Variants in BAG5 observed in about 807,000 individuals in gnomAD.
The protein encoded by BAG5 is BAG cochaperone 5.
In BAG5, 25 loss-of-function variants were observed where a neutral mutation model predicts 31.8. The ratio of observed to expected loss-of-function variants is 0.79; its 90% confidence interval spans 0.57 to 1.10. BAG5 has a LOEUF of 1.10. Ranked by LOEUF, BAG5 falls within the 50% of genes least tolerant of loss-of-function variation. The pLI is 0.00. For missense variants in BAG5, 491 were observed against 527.9 expected, an observed-to-expected ratio of 0.93 and a Z score of 0.68; for synonymous variants, 208 against 205.0, an observed-to-expected ratio of 1.01 and a Z score of -0.13.
rs1307245065 is a variant in BAG5 at position 103,559,197 on chromosome 14, G to A, written c.*624C>T. The A allele has an allele frequency of 6.6e-6, 1 of 151,924 alleles. No homozygotes were observed. Among genetic ancestry groups the A allele is most frequent in the African/African-American group, 2.4e-5 (1 of 41,314 alleles). The allele number at this position is 151,924 out of a possible 1,614,324, so 9.4% of individuals were successfully genotyped here. A position where few individuals can be genotyped will look rare whatever the true frequency, so the allele number is the denominator to read the frequency against. ...TTAGTTTTCATAATTTTCTTATGTTGCACACAAAAACAAGATTCCTCTCTA... is the reference window on the plus strand; with the variant it reads ...TTAGTTTTCATAATTTTCTTATGTTACACACAAAAACAAGATTCCTCTCTA... On this transcript the variant is annotated 3_prime_UTR_variant, in exon 2 of 2. Transcript: ENST00000299204.
At position 103,556,826 on chromosome 14, in the gene BAG5, C is replaced by T. The variant is rs1290721816; in HGVS notation, c.*2995G>A. On this transcript the variant is annotated 3_prime_UTR_variant, in exon 2 of 2. Transcript: ENST00000299204. ...AAAAATAAAAAAACCCAAAACCTTGCATGCACAAGCTAAGCTCAGACCCTT... is the reference window on the plus strand; with the variant it reads ...AAAAATAAAAAAACCCAAAACCTTGTATGCACAAGCTAAGCTCAGACCCTT... 2 of 152,078 alleles carry T rather than the reference C, an allele frequency of 1.3e-5. No homozygotes were observed. The highest frequency in any genetic ancestry group is 4.8e-5 in the African/African-American group (2 of 41,410). The allele number at this position is 152,078 out of a possible 1,614,324, so 9.4% of individuals were successfully genotyped here. A position where few individuals can be genotyped will look rare whatever the true frequency, so the allele number is the denominator to read the frequency against.
Position 103,560,031 on chromosome 14 carries a change from C to G in BAG5, c.1134G>C (p.Glu378Asp). The G allele has an allele frequency of 6.2e-7, 1 of 1,614,174 alleles. No individual in the cohort carries two copies. The highest frequency in any genetic ancestry group is 8.5e-7 in the Non-Finnish European group (1 of 1,180,030). The change falls in exon 2 of 2, where the codon GAG becomes GAC. Residue 378 changes from glutamate (E) to aspartate (D), a missense_variant. Coordinates refer to ENST00000299204, the MANE Select transcript of BAG5 (RefSeq NM_001015048.3). ...AVWNVLGNLS[E>D]IQGEVLSFDG... Reference sequence around the variant, plus strand: ...CAAATGAAAGAACTTCTCCCTGGATCTCAGACAAGTTTCCAAGGACGTTCC... The same window carrying G: ...CAAATGAAAGAACTTCTCCCTGGATGTCAGACAAGTTTCCAAGGACGTTCC...
rs1200367662 is a variant in BAG5, at chr14:103,560,833, G to A, written c.332C>T (p.Pro111Leu). 4 of 1,613,940 alleles carry A rather than the reference G, an allele frequency of 2.5e-6. No individual in the cohort carries two copies. In the East Asian group the frequency reaches 8.9e-5, roughly 36 times the overall value. Residue 111 changes from proline (P) to leucine (L), a missense_variant, in exon 2 of 2, where the codon CCA (proline) becomes CTA (leucine). By Grantham distance (98) the Pro-to-Leu change is moderately conservative. Transcript: ENST00000299204. The stretch of plus-strand genomic sequence containing the variant: ...TACGCAGTTGCCTCCATTATAAAAT[G>A]GCACAATTTTCTCTCTCACGAGGGA... ...AQSLVREKIV[P>L]FYNGGNCVTD...
At position 103,559,037 on chromosome 14, in the gene BAG5, A is replaced by C. The variant is rs1054459892; in HGVS notation, c.*784T>G. The C allele has an allele frequency of 2.6e-5, 4 of 151,794 alleles. No individual in the cohort carries two copies. The highest frequency in any genetic ancestry group is 5.9e-5 in the Non-Finnish European group (4 of 67,994). 9.4% of individuals were successfully genotyped at this position (151,794 alleles called of 1,614,324 possible). On this transcript the variant is annotated 3_prime_UTR_variant, in exon 2 of 2. Transcript: ENST00000299204. ...TTAAAGGCCCATTAACTTAATTTAA[A>C]TGTTCCCATCCTTATGAATTTACTC...
intron 1 of BAG5, chr14:103,561,742 C>A: frequency 1.6e-6 from 1 of 608,680 alleles, no homozygotes; most frequent in Non-Finnish European, 2.9e-6. Context: ...ACAGAAGTCT[C>A]CCTGAAGAGA....
rs964823310 is a variant in BAG5, at chr14:103,556,807, A to T, written c.*3014T>A. 3.9e-5 allele frequency: 6 copies of T among 152,184 alleles called. No homozygotes were observed. Among genetic ancestry groups the T allele is most frequent in the Admixed American group, 3.3e-4 (5 of 15,276 alleles). 9.4% of individuals were successfully genotyped at this position (152,184 alleles called of 1,614,324 possible). On this transcript the variant is annotated 3_prime_UTR_variant, in exon 2 of 2. Transcript: ENST00000299204. ...GAAAAGCTGTGCTCAAAAAAAAAAT[A>T]AAAAAACCCAAAACCTTGCATGCAC...
chr14:103,559,974 C>A lies in BAG5; in HGVS notation c.1191G>T (p.Arg397=), dbSNP rs200572765. 1 of 1,614,096 alleles carries A rather than the reference C, an allele frequency of 6.2e-7. No individual in the cohort carries two copies. Among genetic ancestry groups the A allele is most frequent in the South Asian group, 1.1e-5 (1 of 91,094 alleles). The change falls in exon 2 of 2, where the codon CGG becomes CGT. Residue 397 remains arginine, a synonymous_variant. Transcript: ENST00000299204. ...GCTGCTTGGTGAGCAGCTCTTCCAG[C>A]CGGATGTAGTTCTTATCGGTTCGAT... ...DGNRTDKNYI[R]LEELLTKQLL...
At chr14:103,562,154 G>A (rs553778725) in intron 1 of BAG5, 10 of 644,990 alleles carry the variant, frequency 1.6e-5, no homozygotes, top group South Asian at 1.2e-4. Context: ...GAGGTGGCGA[G>A]GTGGAAGATC....
Position 103,556,977 on chromosome 14 carries a change from T to C in BAG5, c.*2844A>G, listed in dbSNP as rs541672082. 2.6e-5 allele frequency: 4 copies of C among 152,372 alleles called. No individual in the cohort carries two copies. In the East Asian group the frequency reaches 7.7e-4, roughly 29 times the overall value. The allele number at this position is 152,372 out of a possible 1,614,324, so 9.4% of individuals were successfully genotyped here. On this transcript the variant is annotated 3_prime_UTR_variant, in exon 2 of 2. Coordinates refer to ENST00000299204, the MANE Select transcript of BAG5 (RefSeq NM_001015048.3). ...ACCACTAAACTATACTTTGTAGACA[T>C]ATTCATTACATTTATTTTAATAACT... is the stretch of plus-strand genomic sequence containing the variant.
At position 103,560,190 on chromosome 14, in the gene BAG5, GT is replaced by G. The variant is rs1002009532; in HGVS notation, c.974del (p.Asn325ThrfsTer12). 5 of 1,613,974 alleles carry G rather than the reference GT, an allele frequency of 3.1e-6. No homozygotes were observed. The highest frequency in any genetic ancestry group is 4.2e-6 in the Non-Finnish European group (5 of 1,179,916). ...GQLDEVSLEK[N>X]PCIREARRRA... is the part of the protein sequence containing the mutation. Reference sequence around the variant, plus strand: ...TTCTCCTGGCTTCCCGGATGCAGGGGTTTTTTTCAAGACTTACCTCATCCAA... The same window carrying G: ...TTCTCCTGGCTTCCCGGATGCAGGGGTTTTTTCAAGACTTACCTCATCCAA... On this transcript the variant is annotated frameshift_variant, in exon 2 of 2. Transcript: ENST00000299204. LOFTEE classifies it high-confidence loss of function.
Position 103,560,131 on chromosome 14 carries a change from T to C in BAG5, c.1034A>G (p.Tyr345Cys), listed in dbSNP as rs2076061547. The C allele has an allele frequency of 1.2e-6, 2 of 1,614,046 alleles. No individual in the cohort carries two copies. Among genetic ancestry groups the C allele is most frequent in the South Asian group, 1.1e-5 (1 of 91,088 alleles). The change falls in exon 2 of 2, where the codon TAT becomes TGT. Residue 345 changes from tyrosine to cysteine, a missense_variant. By Grantham distance (194) the Tyr-to-Cys change is radical. Transcript: ENST00000299204. ...CTCAAGGGCCTCCTTCAAGTCAATA[T>C]ATGTGATCAGAGTTTGCACCTCGAT... ...AVIEVQTLIT[Y>C]IDLKEALEKR...
chr14:103,561,233 C>A, intron 1 of BAG5, 41 bp from the exon 2 acceptor site: 7 of 1,525,594 alleles, frequency 4.6e-6, no homozygotes, highest in Non-Finnish European at 6.1e-6. Context: ...CAGCACAAGG[C>A]TTCTGCAGAA....
In BAG5 at chr14:103,560,528, AG is replaced by A; in HGVS notation, c.636del (p.Cys213AlafsTer11). 6.2e-7 allele frequency: 1 copy of A among 1,614,058 alleles called. No homozygotes were observed. The highest frequency in any genetic ancestry group is 8.5e-7 in the Non-Finnish European group (1 of 1,180,016). ...GAGAGCACACAGGATAAGTGCCTGC[AG>A]GTCTCATTGTTGTTCACACCCATCA... ...ALLMGVNNNE[T>X]CRHLSCVLSG... On this transcript the variant is annotated frameshift_variant, in exon 2 of 2. Transcript: ENST00000299204. LOFTEE classifies it high-confidence loss of function.
intron 1 of BAG5, chr14:103,561,826 C>CA: frequency 1.0e-6 from 1 of 1,003,024 alleles, no homozygotes; most frequent in Non-Finnish European, 1.6e-6. Context: ...CGAGGCCCAA[C>CA]ACCTCCTCAG....
rs2076063919 is a variant in BAG5 at position 103,560,443 on chromosome 14, T to C, written c.722A>G (p.Tyr241Cys). The C allele has an allele frequency of 2.5e-6, 4 of 1,614,024 alleles. No individual in the cohort carries two copies. Among genetic ancestry groups the C allele is most frequent in the African/African-American group, 1.3e-5 (1 of 74,914 alleles). The change falls in exon 2 of 2, where the codon TAT (tyrosine) becomes TGT (cysteine). Residue 241 changes from tyrosine (Y) to cysteine (C), a missense_variant. By Grantham distance (194) the Tyr-to-Cys change is radical. Transcript: ENST00000299204. ...GATATCTTCTACTACCTCCCTCCGA[T>C]AATTTCTGATTTCTGTCCGGCCGCA... The part of the protein sequence containing the change: ...DVCGRTEIRN[Y>C]RREVVEDINK...
Position 103,560,966 on chromosome 14 carries a change from C to G in BAG5, c.199G>C (p.Ala67Pro). 1 of 1,614,174 alleles carries G rather than the reference C, an allele frequency of 6.2e-7. No homozygotes were observed. The highest frequency in any genetic ancestry group is 1.1e-5 in the South Asian group (1 of 91,084). Reference sequence around the variant, plus strand: ...GTCTCCTGTGCTGCCCGCTTCCTAGCTTGCTGAATATCTCCTTTTCCTTCA... The same window carrying G: ...GTCTCCTGTGCTGCCCGCTTCCTAGGTTGCTGAATATCTCCTTTTCCTTCA... ...DTEGKGDIQQ[A>P]RKRAAQETER... The change falls in exon 2 of 2, where the codon GCT (alanine) becomes CCT (proline). Residue 67 changes from alanine (A) to proline (P), a missense_variant. Physicochemically the swap from Ala to Pro is conservative, Grantham distance 27 (BLOSUM62 -1). Transcript: ENST00000299204.
chr14:103,562,280 G>A (rs1417917451), intron 1 of BAG5: 2 of 444,440 alleles, frequency 4.5e-6, no homozygotes, highest in Non-Finnish European at 4.1e-6. Flanking sequence ...TGCAGCAGCC[G>A]CTCCGGGCGT....
At chr14:103,561,746 G>C in intron 1 of BAG5, 1 of 608,226 alleles carries the variant, frequency 1.6e-6, no homozygotes, top group South Asian at 2.0e-5. Context: ...AAGTCTCCCT[G>C]AAGAGATTAA....
Position 103,560,675 on chromosome 14 carries a change from C to T in BAG5, c.490G>A (p.Glu164Lys), listed in dbSNP as rs757492335. The change falls in exon 2 of 2, where the codon GAA (glutamate) becomes AAA (lysine). Residue 164 changes from glutamate (E) to lysine (K), a missense_variant. Coordinates refer to ENST00000299204, the MANE Select transcript of BAG5 (RefSeq NM_001015048.3). The stretch of plus-strand genomic sequence containing the variant: ...GAAGGCTGCTTTTTCATGCAGTCTT[C>T]GATTATCTCTTGCACCGCACAGATT... ...TKICAVQEII[E>K]DCMKKQPSLP... The T allele has an allele frequency of 4.3e-6, 7 of 1,614,064 alleles. No individual in the cohort carries two copies. The highest frequency in any genetic ancestry group is 3.3e-5 in the South Asian group (3 of 91,072).
Sources: gnomAD v4.1 joint callset for allele counts on GRCh38, gnomAD v4.1.1 for gene constraint, MANE v1.5 for transcripts, NCBI Gene and HGNC (gene_info 2026-07-23, HGNC 2026-07-21) for gene names.